The following PGLYRP4 variants were observed in gnomAD, a reference collection of about 807,000 sequenced individuals.
The protein encoded by PGLYRP4 is PGRP-I-beta.
PGLYRP4 carries 39 observed loss-of-function variants against 41.2 expected under a neutral mutation model. That is an observed-to-expected ratio of 0.95 (90% CI 0.73 to 1.24). The LOEUF (loss-of-function observed/expected upper bound fraction) is 1.24, where lower values mean the gene tolerates loss of function less well. Among genes scored for constraint, PGLYRP4 ranks in the 50% most tolerant of loss-of-function variants. The pLI, the probability that PGLYRP4 is intolerant of heterozygous loss-of-function variation, is 0.00. For missense variants in PGLYRP4, 467 were observed against 460.7 expected (o/e 1.01, Z -0.13); for synonymous variants, 202 against 186.8 (o/e 1.08, Z -0.66).
chr1:153,334,700 C>G (rs1042490159), intron 8 of PGLYRP4, among the ~76,000 whole-genome samples: 1 of 151,914 alleles, frequency 6.6e-6, no homozygotes, highest in African/African-American at 2.4e-5. Context: ...TTTGAAAAAA[C>G]TATTCTATAA....
chr1:153,346,050 T>A, intron 3 of PGLYRP4, 52 bp downstream of exon 3: 1 of 1,353,026 alleles, frequency 7.4e-7, no homozygotes, highest in Non-Finnish European at 1.1e-6. Flanking sequence ...TCCGATCACA[T>A]GAAAAACCCC....
chr1:153,348,066 C>T (rs1661092923), intron 1 of PGLYRP4, 88 bp from the exon 2 acceptor site: 1 of 699,132 alleles, frequency 1.4e-6, no homozygotes, highest in Non-Finnish European at 2.5e-6. Context: ...CCATCTGCCT[C>T]CTCTACCATC....
At chr1:153,344,080 G>A (rs947334643) in intron 4 of PGLYRP4, among the ~76,000 whole-genome samples, 4 of 152,256 alleles carry the variant, frequency 2.6e-5, no homozygotes, top group African/African-American at 9.6e-5. Context: ...AGATAAGCAC[G>A]ACAAAGACAC....
chr1:153,340,306 C>T, intron 7 of PGLYRP4, 75 bp downstream of exon 7: 5 of 1,325,024 alleles, frequency 3.8e-6, no homozygotes, highest in Middle Eastern at 1.8e-4. Flanking sequence ...ATATTAGTTC[C>T]CTTTCCCCTT....
chr1:153,345,250 T>C lies in PGLYRP4; in HGVS notation c.272A>G (p.Asp91Gly). The change falls in exon 4 of 9, where the codon GAC becomes GGC. Residue 91 changes from aspartate (D) to glycine (G), a missense_variant. By Grantham distance (94) the Asp-to-Gly change is moderately conservative. Transcript: ENST00000359650. ...IHHVPGLECH[D>G]QTVCSQRLRE... Reference sequence around the variant, plus strand: ...CAGTCTCTGGCTGCAGACTGTCTGGTCGTGACACTCCAGTCCAGGGACATG... The same window carrying C: ...CAGTCTCTGGCTGCAGACTGTCTGGCCGTGACACTCCAGTCCAGGGACATG... 6.2e-7 allele frequency: 1 copy of C among 1,614,150 alleles called. No homozygotes were observed. The highest frequency in any genetic ancestry group is 2.2e-5 in the East Asian group (1 of 44,880).
At chr1:153,345,476 G>A (rs1660970464) in intron 3 of PGLYRP4, 94 bp from the exon 4 acceptor site, 3 of 1,131,246 alleles carry the variant, frequency 2.7e-6, no homozygotes, top group Non-Finnish European at 4.0e-6. Context: ...CCCCTTGGTA[G>A]TGGAAGAGCC....
At chr1:153,345,839 A>G (rs1201648250) in intron 3 of PGLYRP4, among the ~76,000 whole-genome samples, 1 of 152,114 alleles carries the variant, frequency 6.6e-6, no homozygotes, top group Non-Finnish European at 1.5e-5. Flanking sequence ...CCTGAGGGCA[A>G]GGTTTGGGTC....
At chr1:153,334,798 A>C (rs752007290) in intron 8 of PGLYRP4, among the ~76,000 whole-genome samples, 1 of 152,200 alleles carries the variant, frequency 6.6e-6, no homozygotes, top group Non-Finnish European at 1.5e-5. Flanking sequence ...ACCTGACTTC[A>C]AATTATACTA....
At chr1:153,338,229 C>G (rs979576774) in intron 7 of PGLYRP4, among the ~76,000 whole-genome samples, 1 of 152,190 alleles carries the variant, frequency 6.6e-6, no homozygotes, top group Non-Finnish European at 1.5e-5. Flanking sequence ...ACTCGTTAAC[C>G]CAGGCTTGTC....
chr1:153,346,671 G>T (rs73016415), intron 2 of PGLYRP4, among the ~76,000 whole-genome samples: 1 of 152,182 alleles, frequency 6.6e-6, no homozygotes, highest in African/African-American at 2.4e-5. Context: ...AGGCCCATGG[G>T]GGATGGGCAG....
intron 2 of PGLYRP4, among the ~76,000 whole-genome samples, chr1:153,346,934 T>C (rs1398980630): frequency 6.6e-6 from 1 of 152,248 alleles, no homozygotes; most frequent in African/African-American, 2.4e-5. Context: ...GCTTAATTGC[T>C]TGTTTAAAAT....
chr1:153,340,280 G>A, intron 7 of PGLYRP4, 101 bp downstream of exon 7: 3 of 1,038,634 alleles, frequency 2.9e-6, no homozygotes, highest in East Asian at 2.4e-5. Flanking sequence ...CCTCTCCTAT[G>A]GTGACTACCC....
intron 8 of PGLYRP4, among the ~76,000 whole-genome samples, chr1:153,336,288 T>C (rs1660555029): frequency 6.9e-6 from 1 of 144,470 alleles, no homozygotes; most frequent in South Asian, 2.2e-4. Context: ...AGAGAATCGC[T>C]TGAACCCAGG....
chr1:153,344,300 T>C (rs758947868), intron 4 of PGLYRP4, among the ~76,000 whole-genome samples: 1 of 151,658 alleles, frequency 6.6e-6, no homozygotes, highest in Non-Finnish European at 1.5e-5. Flanking sequence ...GTGAGGAGAG[T>C]GAGACAGAAG....
chr1:153,345,291 A>T lies in PGLYRP4; in HGVS notation c.231T>A (p.Asn77Lys). 6.2e-7 allele frequency: 1 copy of T among 1,614,176 alleles called. No individual in the cohort carries two copies. The highest frequency in any genetic ancestry group is 8.5e-7 in the Non-Finnish European group (1 of 1,180,016). The part of the protein sequence containing the change: ...GCSIQLTTPV[N>K]VLVIHHVPGL... ...CAGGGACATGGTGTATAACAAGGACATTCACTGGCGTGGTCAGCTGAATAC... is the reference window on the plus strand; with the variant it reads ...CAGGGACATGGTGTATAACAAGGACTTTCACTGGCGTGGTCAGCTGAATAC... Residue 77 changes from asparagine (N) to lysine (K), a missense_variant, in exon 4 of 9, where the codon AAT becomes AAA. Asn to Lys is a moderately conservative substitution (Grantham distance 94, BLOSUM62 0). Coordinates refer to ENST00000359650, the MANE Select transcript of PGLYRP4 (RefSeq NM_020393.4).
At chr1:153,334,408 G>GAT (rs1049905442) in intron 8 of PGLYRP4, among the ~76,000 whole-genome samples, 27 of 146,076 alleles carry the variant, frequency 1.8e-4, no homozygotes, top group East Asian at 3.9e-4. Context: ...ATGTATTCCT[G>GAT]ATATATATAT....
chr1:153,341,964 C>G (rs775536668), intron 5 of PGLYRP4, among the ~76,000 whole-genome samples, 185 bp from the exon 6 acceptor site: 1 of 152,250 alleles, frequency 6.6e-6, no homozygotes, highest in Non-Finnish European at 1.5e-5. Context: ...CTCAGTGGCT[C>G]AAAATGAAGT....
intron 8 of PGLYRP4, 49 bp from the exon 9 acceptor site, chr1:153,330,994 A>G: frequency 6.7e-7 from 1 of 1,491,176 alleles, no homozygotes; most frequent in South Asian, 1.2e-5. Context: ...GGCACCCTGC[A>G]AAATAGAACA....
intron 8 of PGLYRP4, among the ~76,000 whole-genome samples, chr1:153,335,256 A>G (rs1660507639): frequency 1.3e-5 from 2 of 152,306 alleles, no homozygotes; most frequent in South Asian, 4.1e-4. Context: ...GAGTAAACAG[A>G]CAACCTACAG....
Sources: gnomAD v4.1 joint callset for allele counts (sites outside exome capture counted in the v4.1 genomes callset) on GRCh38, gnomAD v4.1.1 for gene constraint, MANE v1.5 for transcripts, NCBI Gene and HGNC (gene_info 2026-07-23, HGNC 2026-07-21) for gene names.